The following DPH6 variants were observed in gnomAD, a reference collection of about 807,000 sequenced individuals.
DPH6 encodes diphthine--ammonia ligase.
Under a neutral mutation model 38.2 loss-of-function variants are expected in DPH6, and 33 were observed. The observed-to-expected ratio is 0.86, with a 90% CI of 0.65 to 1.15. The LOEUF (loss-of-function observed/expected upper bound fraction) is 1.15, where lower values mean the gene tolerates loss of function less well. DPH6 is among the 50% of genes most tolerant of loss of function. DPH6 has a pLI of 0.00. For synonymous variants in DPH6, 108 were observed against 103.0 expected (o/e 1.05, Z -0.30); for missense variants, 325 against 320.0 (o/e 1.02, Z -0.12).
chr15:35,524,948 C>T (rs1156592141), intron 3 of DPH6, among the ~76,000 whole-genome samples: 2 of 152,090 alleles, frequency 1.3e-5, no homozygotes, highest in Admixed American at 6.6e-5. Flanking sequence ...ATAAAGTTGA[C>T]TATTTGATAT....
intron 3 of DPH6, among the ~76,000 whole-genome samples, chr15:35,272,855 C>T (rs1323514470): frequency 4.6e-5 from 7 of 151,572 alleles, no homozygotes; most frequent in South Asian, 2.1e-4. Context: ...TGCAGTGAGC[C>T]GAGATCGCAC....
At chr15:35,487,616 A>T (rs1284799317) in intron 3 of DPH6, among the ~76,000 whole-genome samples, 1 of 152,204 alleles carries the variant, frequency 6.6e-6, no homozygotes, top group Non-Finnish European at 1.5e-5. Context: ...GGCCCACAAA[A>T]CCATTTTTCC....
chr15:35,350,520 T>C (rs1179742513), intron 3 of DPH6, among the ~76,000 whole-genome samples: 1 of 152,156 alleles, frequency 6.6e-6, no homozygotes, highest in Admixed American at 6.5e-5. Context: ...TGAGATATAA[T>C]GTTAGAATTT....
intron 3 of DPH6, among the ~76,000 whole-genome samples, chr15:35,293,105 A>C (rs536201356): frequency 1.1e-4 from 17 of 152,336 alleles, no homozygotes; most frequent in South Asian, 4.1e-4. Flanking sequence ...CATAGAGAGC[A>C]CACATTTTAA....
intron 3 of DPH6, among the ~76,000 whole-genome samples, chr15:35,336,939 A>T (rs1368753594): frequency 2.0e-5 from 3 of 152,072 alleles, no homozygotes; most frequent in Non-Finnish European, 4.4e-5. Context: ...TGGCTTTGGT[A>T]TCAGGATGAT....
intron 2 of DPH6, among the ~76,000 whole-genome samples, chr15:35,542,142 A>G (rs1403213993): frequency 6.6e-6 from 1 of 152,084 alleles, no homozygotes; most frequent in Non-Finnish European, 1.5e-5. Context: ...TAACTCTACA[A>G]GTTTGTGCTA....
At chr15:35,290,988 C>T (rs868263156) in intron 3 of DPH6, among the ~76,000 whole-genome samples, 15 of 152,108 alleles carry the variant, frequency 9.9e-5, no homozygotes, top group Middle Eastern at 3.4e-3. Flanking sequence ...AGTGAAGTTG[C>T]TTACCTAGGC....
At chr15:35,491,730 T>C (rs1190335112) in intron 3 of DPH6, among the ~76,000 whole-genome samples, 2 of 149,718 alleles carry the variant, frequency 1.3e-5, no homozygotes, top group African/African-American at 4.9e-5. Flanking sequence ...GATGTATATA[T>C]CTAGATATAT....
chr15:35,415,690 A>G (rs991685975), intron 5 of DPH6, among the ~76,000 whole-genome samples: 1 of 152,028 alleles, frequency 6.6e-6, no homozygotes, highest in Non-Finnish European at 1.5e-5. Flanking sequence ...GGTAAAAATT[A>G]GTTGGCCATT....
chr15:35,164,858 A>T, the DPH6 span, among the ~76,000 whole-genome samples: 1 of 151,842 alleles, frequency 6.6e-6, no homozygotes, highest in African/African-American at 2.4e-5. Flanking sequence ...ATGTAAATTG[A>T]TTTTTTTGCA....
intron 3 of DPH6, among the ~76,000 whole-genome samples, chr15:35,353,130 G>C (rs1206010243): frequency 6.6e-6 from 1 of 152,016 alleles, no homozygotes; most frequent in Non-Finnish European, 1.5e-5. Context: ...GGGGTTGTTT[G>C]TTTTTTTCTT....
chr15:35,312,520 G>A (rs1187176726), intron 3 of DPH6, among the ~76,000 whole-genome samples: 1 of 152,106 alleles, frequency 6.6e-6, no homozygotes, highest in Non-Finnish European at 1.5e-5. Flanking sequence ...AAGATAATCT[G>A]CCAACACTCT....
At chr15:35,466,028 A>G (rs1007388261) in intron 3 of DPH6, among the ~76,000 whole-genome samples, 1 of 152,062 alleles carries the variant, frequency 6.6e-6, no homozygotes, top group Non-Finnish European at 1.5e-5. Context: ...TTCTGAAGCA[A>G]TCTTTTTGCT....
At chr15:35,400,670 GTCTC>G in intron 6 of DPH6, 1 of 624,026 alleles carries the variant, frequency 1.6e-6, no homozygotes, top group Non-Finnish European at 2.9e-6. Flanking sequence ...CATCATTAAA[GTCTC>G]TCTTCCCCCT....
At chr15:35,455,330 C>T (rs1038482924) in intron 3 of DPH6, among the ~76,000 whole-genome samples, 1 of 152,072 alleles carries the variant, frequency 6.6e-6, no homozygotes, top group Non-Finnish European at 1.5e-5. Flanking sequence ...AACAGTATAG[C>T]ACTGTAGATA....
chr15:35,223,599 T>C (rs2051457492), intron 3 of DPH6, among the ~76,000 whole-genome samples: 1 of 151,838 alleles, frequency 6.6e-6, no homozygotes, highest in Non-Finnish European at 1.5e-5. Context: ...GGCAGGAGAA[T>C]GGCGTGAACC....
chr15:35,182,959 G>A, the DPH6 span, among the ~76,000 whole-genome samples: 1 of 152,106 alleles, frequency 6.6e-6, no homozygotes, highest in Admixed American at 6.5e-5. Context: ...TGGTATAGAT[G>A]GCACAATGCA....
intron 3 of DPH6, among the ~76,000 whole-genome samples, chr15:35,496,566 A>AT (rs1363325116): frequency 0.058 from 5,414 of 93,006 alleles, 325 homozygotes; most frequent in Non-Finnish European, 0.082. Context: ...AAAAAAAAAA[A>AT]AATATATATA....
chr15:35,430,253 G>T (rs2053615237), intron 5 of DPH6, among the ~76,000 whole-genome samples: 1 of 152,034 alleles, frequency 6.6e-6, no homozygotes, highest in South Asian at 2.1e-4. Context: ...TTCTTTTCCT[G>T]ACTGGAGTTT....
Sources: allele counts gnomAD v4.1 joint callset (sites outside exome capture counted in the v4.1 genomes callset), GRCh38; gene constraint gnomAD v4.1.1; transcripts MANE v1.5; gene names NCBI Gene and HGNC (gene_info 2026-07-23, HGNC 2026-07-21).